LHFPL4: variants seen among roughly 807,000 people sequenced by gnomAD.
LHFPL4 encodes the protein LHFPL tetraspan subfamily member 4, also known as LHFPL tetraspan subfamily member 4 protein.
A neutral mutation model predicts 20.0 loss-of-function variants in LHFPL4; 6 were observed. The observed-to-expected ratio is 0.30, with a 90% CI of 0.16 to 0.59. The LOEUF (loss-of-function observed/expected upper bound fraction) is 0.59. Ranked by LOEUF, LHFPL4 falls within the 20% of genes least tolerant of loss-of-function variation. The pLI is 0.88. For synonymous variants in LHFPL4, 129 were observed against 143.8 expected (o/e 0.90, Z 0.74); for missense variants, 215 against 331.2 (o/e 0.65, Z 2.72).
intron 2 of LHFPL4, among the ~76,000 whole-genome samples, chr3:9,545,152 G>A (rs2046503753): frequency 6.6e-6 from 1 of 152,022 alleles, no homozygotes; most frequent in African/African-American, 2.4e-5. Context: ...GGGAGGGAAG[G>A]AAAGGAGAAC....
At chr3:9,519,987 C>T (rs1025856107) in intron 2 of LHFPL4, among the ~76,000 whole-genome samples, 1 of 152,094 alleles carries the variant, frequency 6.6e-6, no homozygotes, top group African/African-American at 2.4e-5. Context: ...CTTCTGTTTA[C>T]TTTGAATTTA....
At chr3:9,514,560 CTA>C (rs977393848) in intron 2 of LHFPL4, among the ~76,000 whole-genome samples, 10 of 152,176 alleles carry the variant, frequency 6.6e-5, no homozygotes, top group Non-Finnish European at 1.3e-4. Flanking sequence ...GTTGTACGTT[CTA>C]TGAGTTTTGA....
At chr3:9,542,295 A>G (rs1163905240) in intron 2 of LHFPL4, among the ~76,000 whole-genome samples, 1 of 152,078 alleles carries the variant, frequency 6.6e-6, no homozygotes, top group Non-Finnish European at 1.5e-5. Context: ...CAAAAAGAAA[A>G]AAAAGAAATT....
At chr3:9,504,551 C>A (rs2046202412) in intron 3 of LHFPL4, among the ~76,000 whole-genome samples, 1 of 152,026 alleles carries the variant, frequency 6.6e-6, no homozygotes, top group Non-Finnish European at 1.5e-5. Flanking sequence ...CACAGCTGGG[C>A]ACGGTGGCTC....
intron 2 of LHFPL4, among the ~76,000 whole-genome samples, chr3:9,510,628 G>C (rs541969009): frequency 6.6e-6 from 1 of 152,000 alleles, no homozygotes; most frequent in African/African-American, 2.4e-5. Flanking sequence ...TTAATATTGT[G>C]ATACTATTGT....
In LHFPL4 at chr3:9,539,151, A is replaced by C. The variant is rs1004752387; in HGVS notation, c.406+13123T>G. ...TACAGATTCCTGATCCAGGGCACTC[A>C]TAATGCATTAAATTCCTCTGGGGCT... On this transcript the variant is annotated intron_variant, in intron 2 of 3. Transcript: ENST00000287585. 2.0e-5 allele frequency among the ~76,000 whole-genome samples: 3 copies of C among 152,140 alleles called. No individual in the cohort carries two copies. In the South Asian group the frequency reaches 6.2e-4, roughly 32 times the overall value.
At chr3:9,521,288 G>C (rs1196033747) in intron 2 of LHFPL4, among the ~76,000 whole-genome samples, 1 of 148,412 alleles carries the variant, frequency 6.7e-6, no homozygotes, top group Non-Finnish European at 1.5e-5. Context: ...GCAGTGGTAC[G>C]ATCATAGCTC....
intron 2 of LHFPL4, among the ~76,000 whole-genome samples, chr3:9,513,897 T>C (rs772431770): frequency 1.5e-4 from 23 of 152,306 alleles, no homozygotes; most frequent in Middle Eastern, 3.4e-3. Context: ...GGGTGGCACG[T>C]GCACTCTTGT....
At chr3:9,525,753 G>A (rs565060309) in intron 2 of LHFPL4, among the ~76,000 whole-genome samples, 5 of 152,122 alleles carry the variant, frequency 3.3e-5, no homozygotes, top group East Asian at 1.9e-4. Flanking sequence ...AAAATCCAAC[G>A]TGCTTATACG....
intron 2 of LHFPL4, among the ~76,000 whole-genome samples, chr3:9,507,026 G>A (rs749770707): frequency 1.6e-4 from 24 of 152,354 alleles, no homozygotes; most frequent in Non-Finnish European, 2.8e-4. Flanking sequence ...GCCAATGATA[G>A]GACTTAGCCT....
At chr3:9,513,077 A>G (rs1327418141) in intron 2 of LHFPL4, among the ~76,000 whole-genome samples, 1 of 151,832 alleles carries the variant, frequency 6.6e-6, no homozygotes, top group Non-Finnish European at 1.5e-5. Flanking sequence ...CTCCTGCCTC[A>G]GCCTCCCGAG....
rs2046146175 is a variant in LHFPL4 at position 9,498,434 on chromosome 3, A to C, written c.*3777T>G. ...GAAGCTTAAACCCAGCAGCAGCAGAAGGGGTCAGGACCAAAATAAATGTTA... is the reference window on the plus strand; with the variant it reads ...GAAGCTTAAACCCAGCAGCAGCAGACGGGGTCAGGACCAAAATAAATGTTA... On this transcript the variant is annotated 3_prime_UTR_variant, in exon 4 of 4. Coordinates refer to ENST00000287585, the MANE Select transcript of LHFPL4 (RefSeq NM_198560.3). 2.0e-5 allele frequency: 3 copies of C among 152,676 alleles called. No homozygotes were observed. The South Asian group carries it at 6.2e-4, about 32-fold the overall frequency. The allele number at this position is 152,676 out of a possible 1,614,324, so 9.5% of individuals were successfully genotyped here.
intron 2 of LHFPL4, among the ~76,000 whole-genome samples, chr3:9,522,245 T>C (rs1843012): frequency 0.51 from 76,500 of 151,228 alleles, 19,524 homozygotes; most frequent in African/African-American, 0.57. Flanking sequence ...CTGCCCGCCT[T>C]GGCCTCCCAA....
chr3:9,505,842 A>G (rs1323336428), intron 3 of LHFPL4, 125 bp downstream of exon 3: 1 of 912,912 alleles, frequency 1.1e-6, no homozygotes, highest in African/African-American at 1.6e-5. Context: ...TATAGGCGTG[A>G]GCCACCACGC....
chr3:9,535,546 T>C (rs1322988428), intron 2 of LHFPL4, among the ~76,000 whole-genome samples: 1 of 143,782 alleles, frequency 7.0e-6, no homozygotes, highest in Non-Finnish European at 1.6e-5. Context: ...TTCTCCAATT[T>C]TTCCACAAAG....
chr3:9,541,238 G>A (rs993623577), intron 2 of LHFPL4, among the ~76,000 whole-genome samples: 3 of 151,892 alleles, frequency 2.0e-5, no homozygotes, highest in South Asian at 4.2e-4. Context: ...CACCGCACCC[G>A]GCAAAATAAA....
chr3:9,544,655 TAA>T (rs1333084691), intron 2 of LHFPL4, among the ~76,000 whole-genome samples: 2 of 151,722 alleles, frequency 1.3e-5, no homozygotes, highest in Non-Finnish European at 1.5e-5. Context: ...CAAAAACAAA[TAA>T]AGTCTAAACT....
At chr3:9,524,397 C>A (rs1347568917) in intron 2 of LHFPL4, among the ~76,000 whole-genome samples, 1 of 151,920 alleles carries the variant, frequency 6.6e-6, no homozygotes, top group Non-Finnish European at 1.5e-5. Flanking sequence ...ACTTTTGTAG[C>A]CATCATATAG....
intron 2 of LHFPL4, among the ~76,000 whole-genome samples, chr3:9,515,394 G>C (rs2125657998): frequency 1.3e-5 from 2 of 152,152 alleles, no homozygotes; most frequent in South Asian, 4.1e-4. Context: ...ATTTTTTTGA[G>C]ACGGAGTCTC....
Sources: gnomAD v4.1 joint callset for allele counts (sites outside exome capture counted in the v4.1 genomes callset) on GRCh38, gnomAD v4.1.1 for gene constraint, MANE v1.5 for transcripts, NCBI Gene and HGNC (gene_info 2026-07-23, HGNC 2026-07-21) for gene names.